ZNF728: variants seen among roughly 807,000 people sequenced by gnomAD.
ZNF728 encodes the protein zinc finger protein 728.
Under a neutral mutation model 12.5 loss-of-function variants are expected in ZNF728, and 12 were observed. The observed-to-expected ratio is 0.96, with a 90% CI of 0.61 to 1.55. ZNF728 has a LOEUF of 1.55. ZNF728 is among the 40% of genes most tolerant of loss of function. The probability of loss-of-function intolerance (pLI) is 0.00; values close to 1 mark genes in which losing one functional copy is unlikely to be tolerated. For missense variants in ZNF728, 692 were observed against 719.2 expected (o/e 0.96, Z 0.43); for synonymous variants, 205 against 240.7 (o/e 0.85, Z 1.37).
intron 1 of ZNF728, among the ~76,000 whole-genome samples, chr19:23,002,391 T>C (rs1969122579): frequency 6.6e-6 from 1 of 152,148 alleles, no homozygotes; most frequent in African/African-American, 2.4e-5. Flanking sequence ...AACTATAAAC[T>C]GCCAATTAAC....
intron 1 of ZNF728, among the ~76,000 whole-genome samples, chr19:23,000,499 A>G (rs553616732): frequency 1.3e-5 from 2 of 152,048 alleles, no homozygotes; most frequent in Non-Finnish European, 2.9e-5. Context: ...TCTGAAACTC[A>G]CCTTTTTATG....
intron 3 of ZNF728, among the ~76,000 whole-genome samples, chr19:22,981,035 A>C (rs79603229): frequency 6.6e-6 from 1 of 151,934 alleles, no homozygotes; most frequent in Admixed American, 6.6e-5. Flanking sequence ...AGAGCAGAAC[A>C]GAAGGAGAGA....
At chr19:23,000,562 A>G (rs1281309319) in intron 1 of ZNF728, among the ~76,000 whole-genome samples, 2 of 152,100 alleles carry the variant, frequency 1.3e-5, no homozygotes, top group Non-Finnish European at 2.9e-5. Context: ...AATGCAATTT[A>G]CAGTTAAAAA....
chr19:22,997,531 T>C (rs1969061709), intron 1 of ZNF728, among the ~76,000 whole-genome samples: 1 of 152,098 alleles, frequency 6.6e-6, no homozygotes, highest in South Asian at 2.1e-4. Context: ...GAAAAATTCA[T>C]AGCGTTAAAT....
intron 3 of ZNF728, among the ~76,000 whole-genome samples, chr19:22,978,122 CAA>C (rs1968825239): frequency 6.6e-6 from 1 of 151,846 alleles, no homozygotes; most frequent in Non-Finnish European, 1.5e-5. Flanking sequence ...AGGATACACA[CAA>C]ATACATTTAT....
intron 1 of ZNF728, among the ~76,000 whole-genome samples, chr19:22,989,775 G>A (rs1264385003): frequency 3.3e-5 from 5 of 152,164 alleles, no homozygotes; most frequent in Admixed American, 3.3e-4. Context: ...GCACTGTAGA[G>A]AGCAGTTATC....
intron 3 of ZNF728, among the ~76,000 whole-genome samples, chr19:22,986,940 G>A (rs1184172798): frequency 6.6e-6 from 1 of 152,054 alleles, no homozygotes; most frequent in African/African-American, 2.4e-5. Context: ...TTTCAGAGAT[G>A]ATGGAAAAAG....
intron 1 of ZNF728, among the ~76,000 whole-genome samples, chr19:22,997,695 A>C (rs1032604072): frequency 2.0e-5 from 3 of 151,968 alleles, no homozygotes; most frequent in Non-Finnish European, 4.4e-5. Flanking sequence ...GAAAAACTAC[A>C]AAATATCAAG....
intron 1 of ZNF728, among the ~76,000 whole-genome samples, chr19:22,999,044 C>T (rs1405249318): frequency 2.6e-5 from 4 of 152,216 alleles, no homozygotes; most frequent in Non-Finnish European, 5.9e-5. Context: ...CATACAACCT[C>T]ATTTTATGTC....
At chr19:22,986,100 A>G (rs1968913795) in intron 3 of ZNF728, among the ~76,000 whole-genome samples, 1 of 152,164 alleles carries the variant, frequency 6.6e-6, no homozygotes, top group Non-Finnish European at 1.5e-5. Flanking sequence ...CTCTACTACA[A>G]ACCCAGAGGG....
At chr19:22,984,437 T>C (rs1968892205) in intron 3 of ZNF728, among the ~76,000 whole-genome samples, 1 of 151,546 alleles carries the variant, frequency 6.6e-6, no homozygotes, top group Admixed American at 6.6e-5. Flanking sequence ...CATGCACCTG[T>C]AGTCCCAGCT....
chr19:22,982,321 C>T (rs1050758155), intron 3 of ZNF728, among the ~76,000 whole-genome samples: 1 of 152,048 alleles, frequency 6.6e-6, no homozygotes, highest in African/African-American at 2.4e-5. Context: ...ATGTGAAGGA[C>T]CTCTTCAAGG....
In ZNF728 at chr19:22,988,381, T is replaced by C; in HGVS notation, c.74A>G (p.Gln25Arg). 6.2e-7 allele frequency: 1 copy of C among 1,614,186 alleles called. No homozygotes were observed. Among genetic ancestry groups the C allele is most frequent in the African/African-American group, 1.3e-5 (1 of 75,042 alleles). Residue 25 changes from glutamine to arginine, a missense_variant, in exon 2 of 4, where the codon CAG becomes CGG. By Grantham distance (43) the Gln-to-Arg change is conservative. This residue lies in a region of ZNF728 where 440 missense variants were observed against 459.6 expected (regional missense o/e 0.96). Coordinates refer to ENST00000594710, the MANE Select transcript of ZNF728 (RefSeq NM_001267716.2). ...CATCACATTCCTATATAAATTCTGC[T>C]GTGCAGTGTCCAGGCATTGCCACTC... ...LEEWQCLDTA[Q>R]QNLYRNVMLE...
Position 23,003,168 on chromosome 19 carries a change from A to G in ZNF728, c.-138T>C. Reference sequence around the variant, plus strand: ...GACACCTTGACCTCCGCGTGCAGCGAGAGCCAACGGTCCTACCACATCCCG... The same window carrying G: ...GACACCTTGACCTCCGCGTGCAGCGGGAGCCAACGGTCCTACCACATCCCG... On this transcript the variant is annotated 5_prime_UTR_variant, in exon 1 of 4. Coordinates refer to ENST00000594710, the MANE Select transcript of ZNF728 (RefSeq NM_001267716.2). 2 of 1,048,280 alleles carry G rather than the reference A, an allele frequency of 1.9e-6. No individual in the cohort carries two copies. Among genetic ancestry groups the G allele is most frequent in the East Asian group, 5.6e-5 (2 of 35,534 alleles). The allele number at this position is 1,048,280 out of a possible 1,614,324, so 64.9% of individuals were successfully genotyped here.
chr19:22,983,116 C>A (rs1968877736), intron 3 of ZNF728, among the ~76,000 whole-genome samples: 1 of 151,270 alleles, frequency 6.6e-6, no homozygotes, highest in South Asian at 2.1e-4. Flanking sequence ...AGCCATCTGA[C>A]AAAGGGCTAA....
At position 22,977,224 on chromosome 19, in the gene ZNF728, C is replaced by A. The variant is rs148350718; in HGVS notation, c.227-114G>T. On this transcript the variant is annotated intron_variant, in intron 3 of 3. Coordinates refer to ENST00000594710, the MANE Select transcript of ZNF728 (RefSeq NM_001267716.2). ...AGCAAGATGACACTGCAGTATGACACAGGCCCTAATTCTTCACAGACATAT... is the reference window on the plus strand; with the variant it reads ...AGCAAGATGACACTGCAGTATGACAAAGGCCCTAATTCTTCACAGACATAT... The A allele has an allele frequency of 6.9e-4, 681 of 991,684 alleles. 1 individual carries two copies. Among genetic ancestry groups the A allele is most frequent in the African/African-American group, 4.8e-3 (293 of 61,180 alleles). 61.4% of individuals were successfully genotyped at this position (991,684 alleles called of 1,614,324 possible). A position where few individuals can be genotyped will look rare whatever the true frequency, so the allele number is the denominator to read the frequency against.
chr19:22,976,776 G>C lies in ZNF728; in HGVS notation c.561C>G (p.His187Gln). Residue 187 changes from histidine (H) to glutamine (Q), a missense_variant, in exon 4 of 4, where the codon CAC becomes CAG. This residue lies in a region of ZNF728 where 440 missense variants were observed against 459.6 expected (regional missense o/e 0.96). Transcript: ENST00000594710. ...EYVRSFCMLSHLSQHKRIYTR... is the reference protein window; with the variant it reads ...EYVRSFCMLSQLSQHKRIYTR... Reference sequence around the variant, plus strand: ...TATAAATTCTTTTATGTTGAGATAGGTGTGAAAGCATGCAAAATGATCTGA... The same window carrying C: ...TATAAATTCTTTTATGTTGAGATAGCTGTGAAAGCATGCAAAATGATCTGA... The C allele has an allele frequency of 6.2e-7, 1 of 1,613,432 alleles. No individual in the cohort carries two copies. Among genetic ancestry groups the C allele is most frequent in the Non-Finnish European group, 8.5e-7 (1 of 1,179,862 alleles).
At chr19:22,989,051 CAAAAAAAA>C (rs68080575) in intron 1 of ZNF728, among the ~76,000 whole-genome samples, 14 of 50,186 alleles carry the variant, frequency 2.8e-4, no homozygotes, top group East Asian at 7.9e-4. Flanking sequence ...AACTCCATCT[CAAAAAAAA>C]AAAAAAAAAA....
intron 3 of ZNF728, among the ~76,000 whole-genome samples, chr19:22,978,549 A>G (rs10423569): frequency 0.029 from 4,453 of 152,276 alleles, 230 homozygotes; most frequent in African/African-American, 0.1. Flanking sequence ...CCTGACACCC[A>G]TGTCTCCTAA....
Sources: allele counts gnomAD v4.1 joint callset (sites outside exome capture counted in the v4.1 genomes callset), GRCh38; gene constraint gnomAD v4.1.1; regional missense constraint gnomAD v4.1.1; transcripts MANE v1.5; gene names NCBI Gene and HGNC (gene_info 2026-07-23, HGNC 2026-07-21).